The following RCAN2 variants were observed in gnomAD, a reference collection of about 807,000 sequenced individuals.
The protein encoded by RCAN2 is calcipressin-2.
RCAN2 carries 9 observed loss-of-function variants against 23.6 expected under a neutral mutation model. That is an observed-to-expected ratio of 0.38 (90% CI 0.23 to 0.67). RCAN2 has a LOEUF of 0.67. Ranked by LOEUF, RCAN2 falls within the 30% of genes least tolerant of loss-of-function variation. RCAN2 has a pLI of 0.51. For synonymous variants in RCAN2, 109 were observed against 115.7 expected (o/e 0.94, Z 0.37); for missense variants, 273 against 302.3 (o/e 0.90, Z 0.72).
At chr6:46,394,134 A>T (rs2150399715) in intron 2 of RCAN2, among the ~76,000 whole-genome samples, 1 of 152,310 alleles carries the variant, frequency 6.6e-6, no homozygotes, top group South Asian at 2.1e-4. Context: ...AAAAGAATGC[A>T]TTGTTCTAAC....
intron 2 of RCAN2, among the ~76,000 whole-genome samples, chr6:46,280,013 A>G (rs1767850088): frequency 6.6e-6 from 1 of 152,236 alleles, no homozygotes; most frequent in Admixed American, 6.5e-5. Context: ...GCACAGAGTG[A>G]TTCAGAGTCT....
intron 2 of RCAN2, among the ~76,000 whole-genome samples, chr6:46,299,447 C>G (rs977750184): frequency 6.6e-6 from 1 of 151,990 alleles, no homozygotes; most frequent in Non-Finnish European, 1.5e-5. Flanking sequence ...ACAACTATAA[C>G]AGTCATAATG....
chr6:46,480,568 A>T (rs193275320), intron 1 of RCAN2, among the ~76,000 whole-genome samples: 2 of 152,308 alleles, frequency 1.3e-5, no homozygotes, highest in East Asian at 3.9e-4. Flanking sequence ...CACATTCTGG[A>T]AAAAAGAAAC....
intron 2 of RCAN2, among the ~76,000 whole-genome samples, chr6:46,344,548 CAA>C (rs1243593960): frequency 6.6e-6 from 1 of 151,776 alleles, no homozygotes; most frequent in East Asian, 1.9e-4. Flanking sequence ...AAATATATGA[CAA>C]AACACAAATA....
At chr6:46,424,993 T>C (rs1766994766) in intron 2 of RCAN2, among the ~76,000 whole-genome samples, 1 of 152,170 alleles carries the variant, frequency 6.6e-6, no homozygotes, top group South Asian at 2.1e-4. Context: ...AACAAATAAT[T>C]GTATAATACA....
intron 2 of RCAN2, among the ~76,000 whole-genome samples, chr6:46,279,975 TATC>T (rs1440561337): frequency 1.3e-5 from 2 of 152,228 alleles, no homozygotes; most frequent in African/African-American, 4.8e-5. Flanking sequence ...TGGTTGTTGT[TATC>T]ATCCTTATTA....
intron 2 of RCAN2, among the ~76,000 whole-genome samples, chr6:46,305,593 T>C (rs1763036262): frequency 6.6e-6 from 1 of 152,020 alleles, no homozygotes; most frequent in South Asian, 2.1e-4. Context: ...AATTTTACAC[T>C]TTTATAACTT....
intron 2 of RCAN2, among the ~76,000 whole-genome samples, chr6:46,438,898 T>C (rs1767446975): frequency 6.6e-6 from 1 of 152,242 alleles, no homozygotes; most frequent in Non-Finnish European, 1.5e-5. Flanking sequence ...GATTGATTGA[T>C]TGCTGCAGTA....
At chr6:46,262,857 C>T (rs573132893) in intron 2 of RCAN2, among the ~76,000 whole-genome samples, 5 of 152,114 alleles carry the variant, frequency 3.3e-5, no homozygotes, top group African/African-American at 9.7e-5. Context: ...CCCTTTCTTC[C>T]GCCAGTAACA....
chr6:46,338,334 A>G (rs1403375611), intron 2 of RCAN2, among the ~76,000 whole-genome samples: 4 of 152,186 alleles, frequency 2.6e-5, no homozygotes, highest in African/African-American at 9.7e-5. Flanking sequence ...CTGTGCTGCT[A>G]TAAGTGATCA....
chr6:46,472,949 A>G (rs951586126), intron 1 of RCAN2, among the ~76,000 whole-genome samples: 26 of 152,208 alleles, frequency 1.7e-4, no homozygotes, highest in Non-Finnish European at 2.4e-4. Flanking sequence ...GGTAGCTCAG[A>G]GCGAGAAAAA....
chr6:46,299,687 G>A (rs1370571961), intron 2 of RCAN2, among the ~76,000 whole-genome samples: 2 of 151,864 alleles, frequency 1.3e-5, no homozygotes, highest in African/African-American at 4.8e-5. Context: ...CAACTTATTT[G>A]ACTTCTCTGT....
intron 4 of RCAN2, among the ~76,000 whole-genome samples, chr6:46,236,324 T>A (rs927150758): frequency 2.6e-5 from 4 of 152,182 alleles, no homozygotes; most frequent in African/African-American, 9.7e-5. Context: ...TTCCCCTTTC[T>A]CTGTCATCAC....
At chr6:46,331,584 C>T (rs1242757116) in intron 2 of RCAN2, among the ~76,000 whole-genome samples, 2 of 152,176 alleles carry the variant, frequency 1.3e-5, no homozygotes, top group Non-Finnish European at 2.9e-5. Context: ...ATGTTCCAGA[C>T]TCATCTTGTT....
chr6:46,452,709 G>T (rs1278616597), intron 2 of RCAN2, among the ~76,000 whole-genome samples: 2 of 152,130 alleles, frequency 1.3e-5, no homozygotes, highest in Non-Finnish European at 2.9e-5. Flanking sequence ...ACAAGTAAAG[G>T]ACTCATGTTT....
At chr6:46,323,641 T>TA (rs1333124122) in intron 2 of RCAN2, among the ~76,000 whole-genome samples, 2 of 152,218 alleles carry the variant, frequency 1.3e-5, no homozygotes, top group Non-Finnish European at 1.5e-5. Context: ...TCTTTCTGTA[T>TA]AAAATCTACC....
At chr6:46,302,263 G>A (rs1209489116) in intron 2 of RCAN2, among the ~76,000 whole-genome samples, 1 of 152,074 alleles carries the variant, frequency 6.6e-6, no homozygotes, top group Admixed American at 6.6e-5. Context: ...GGCAGGGTGA[G>A]CTGACTTTGG....
At chr6:46,280,292 T>C (rs1767860718) in intron 2 of RCAN2, among the ~76,000 whole-genome samples, 1 of 152,160 alleles carries the variant, frequency 6.6e-6, no homozygotes, top group Non-Finnish European at 1.5e-5. Context: ...TCTCTTACCA[T>C]CTCCTGAAAA....
intron 2 of RCAN2, among the ~76,000 whole-genome samples, chr6:46,392,329 G>C (rs1037777213): frequency 6.6e-6 from 1 of 152,174 alleles, no homozygotes; most frequent in Non-Finnish European, 1.5e-5. Context: ...GAAAACAGAA[G>C]AGTCGACTTC....
Sources: gnomAD v4.1 joint callset for allele counts (sites outside exome capture counted in the v4.1 genomes callset) on GRCh38, gnomAD v4.1.1 for gene constraint, MANE v1.5 for transcripts, NCBI Gene and HGNC (gene_info 2026-07-23, HGNC 2026-07-21) for gene names.